Variants in C16orf46 observed in about 807,000 individuals in gnomAD.
C16orf46 encodes uncharacterized protein C16orf46.
A neutral mutation model predicts 5.5 loss-of-function variants in C16orf46; 7 were observed. The ratio of observed to expected loss-of-function variants is 1.28; its 90% CI spans 0.73 to 2.40. C16orf46 has a LOEUF of 2.40. C16orf46 is among the 30% of genes most tolerant of loss of function. The pLI is 0.00. For synonymous variants in C16orf46, 200 were observed against 184.1 expected (o/e 1.09, Z -0.70); for missense variants, 614 against 476.0 (o/e 1.29, Z -2.70).
At chr16:81,059,339 A>C (rs1239964030), downstream of C16orf46, among the ~76,000 whole-genome samples, 3 of 151,598 alleles carry the variant, frequency 2.0e-5, no homozygotes, top group East Asian at 5.8e-4. Flanking sequence ...AAAAAAAAAA[A>C]AAACCCTAGG....
chr16:81,065,206 C>G (rs886223362), intron 2 of C16orf46, among the ~76,000 whole-genome samples: 3 of 152,154 alleles, frequency 2.0e-5, no homozygotes, highest in Non-Finnish European at 4.4e-5. Context: ...CATGCGATGG[C>G]TCACGCCTGT....
intron 3 of C16orf46, among the ~76,000 whole-genome samples, chr16:81,054,886 GATTC>G (rs1971251633): frequency 6.6e-6 from 1 of 152,012 alleles, no homozygotes; most frequent in Admixed American, 6.6e-5. Flanking sequence ...GACCTCAAGT[GATTC>G]ACCCACCTCG....
At chr16:81,068,274 C>A (rs992286570) in intron 1 of C16orf46, among the ~76,000 whole-genome samples, 8 of 152,198 alleles carry the variant, frequency 5.3e-5, no homozygotes, top group Non-Finnish European at 1.2e-4. Flanking sequence ...TCACAGTCAA[C>A]AGTAGAGGCA....
intron 1 of C16orf46, among the ~76,000 whole-genome samples, chr16:81,074,461 T>G (rs768720358): frequency 6.6e-6 from 1 of 152,182 alleles, no homozygotes; most frequent in Non-Finnish European, 1.5e-5. Context: ...CTCAGCTCCC[T>G]GCAACCTCTG....
At position 81,062,079 on chromosome 16, in the gene C16orf46, T is replaced by G. The variant is rs1255016667; in HGVS notation, c.270A>C (p.Lys90Asn). 8 of 1,610,208 alleles carry G rather than the reference T, an allele frequency of 5.0e-6. No homozygotes were observed. The highest frequency in any genetic ancestry group is 2.7e-5 in the African/African-American group (2 of 74,896). The change falls in exon 4 of 4, where the codon AAA becomes AAC. Residue 90 changes from lysine (K) to asparagine (N), a missense_variant. By Grantham distance (94) the Lys-to-Asn change is moderately conservative. Coordinates refer to ENST00000299578, the MANE Select transcript of C16orf46 (RefSeq NM_152337.3). ...AACIWPRKIP[K>N]KARVGEGACS... ...AGGCACCTTCCCCTACCCTCGCCTT[T>G]TTTGGTATCTTCCTCGGCCAGATGC...
At chr16:81,064,402 T>C (rs1464341413) in intron 2 of C16orf46, among the ~76,000 whole-genome samples, 3 of 149,624 alleles carry the variant, frequency 2.0e-5, no homozygotes, top group Non-Finnish European at 3.0e-5. Flanking sequence ...CATTCAGGAA[T>C]AGACTGAGAA....
intron 1 of C16orf46, among the ~76,000 whole-genome samples, chr16:81,066,540 C>G (rs908351394): frequency 6.6e-6 from 1 of 152,184 alleles, no homozygotes; most frequent in African/African-American, 2.4e-5. Flanking sequence ...ATTACCCATT[C>G]TTGTCTTCCA....
downstream of C16orf46, chr16:81,060,528 T>G (rs1174745215): frequency 6.6e-6 from 1 of 152,628 alleles, no homozygotes; most frequent in Non-Finnish European, 1.5e-5. Context: ...CAGGCTGGTC[T>G]CGAACTCCCA....
chr16:81,059,804 T>C (rs1324449887), downstream of C16orf46, among the ~76,000 whole-genome samples: 2 of 151,984 alleles, frequency 1.3e-5, no homozygotes, highest in Non-Finnish European at 2.9e-5. Flanking sequence ...TTTTTTTTTT[T>C]TTGAGACGGG....
chr16:81,053,865 C>G (rs986731018), exon 4 of C16orf46: 1 of 529,220 alleles, frequency 1.9e-6, no homozygotes, highest in Non-Finnish European at 3.4e-6. Context: ...TTGGGGAGAC[C>G]TAAAAGAGCG....
Position 81,060,983 on chromosome 16 carries a change from G to A in C16orf46, c.*178C>T. 7.2e-7 allele frequency: 1 copy of A among 1,383,864 alleles called. No homozygotes were observed. The highest frequency in any genetic ancestry group is 2.6e-5 in the East Asian group (1 of 39,188). The allele number at this position is 1,383,864 out of a possible 1,614,324, so 85.7% of individuals were successfully genotyped here. A position where few individuals can be genotyped will look rare whatever the true frequency, so the allele number is the denominator to read the frequency against. On this transcript the variant is annotated 3_prime_UTR_variant, in exon 4 of 4. Transcript: ENST00000299578. Reference sequence around the variant, plus strand: ...AAAATAAATCCCAACAATCCACTGAGGTTCAGTTTTCTTCAGTTGTACTAC... The same window carrying A: ...AAAATAAATCCCAACAATCCACTGAAGTTCAGTTTTCTTCAGTTGTACTAC...
At position 81,061,866 on chromosome 16, in the gene C16orf46, T is replaced by TGG; in HGVS notation, c.482_483insCC (p.Lys161AsnfsTer44). The TGG allele has an allele frequency of 6.2e-7, 1 of 1,614,184 alleles. No homozygotes were observed. Among genetic ancestry groups the TGG allele is most frequent in the Non-Finnish European group, 8.5e-7 (1 of 1,180,030 alleles). ...AAATAAACTCCTTGATTTGCAGACT[T>TGG]TTTTTCTCTGCTCGAAAGTAGGTGG... is the stretch of plus-strand genomic sequence containing the variant. On this transcript the variant is annotated frameshift_variant, in exon 4 of 4. Coordinates refer to ENST00000299578, the MANE Select transcript of C16orf46 (RefSeq NM_152337.3). LOFTEE classifies it low-confidence loss of function (END_TRUNC).
rs776679658 is a variant in C16orf46, at chr16:81,061,417, C to T, written c.932G>A (p.Cys311Tyr). The T allele has an allele frequency of 1.2e-6, 2 of 1,614,166 alleles. No homozygotes were observed. Among genetic ancestry groups the T allele is most frequent in the South Asian group, 1.1e-5 (1 of 91,088 alleles). The part of the protein sequence containing the change: ...WSLLSEKNLA[C>Y]PPDPSNVRYL... The stretch of plus-strand genomic sequence containing the variant: ...GCGAACGTTGCTGGGGTCTGGAGGG[C>T]ACGCCAGGTTTTTCTCAGACAGGAG... The change falls in exon 4 of 4, where the codon TGC becomes TAC. Residue 311 changes from cysteine (C) to tyrosine (Y), a missense_variant. Cys to Tyr is a radical substitution (Grantham distance 194). Transcript: ENST00000299578.
intron 1 of C16orf46, among the ~76,000 whole-genome samples, chr16:81,070,991 T>C (rs76058987): frequency 2.6e-5 from 4 of 152,332 alleles, no homozygotes; most frequent in East Asian, 3.9e-4. Flanking sequence ...ATAATTTTCA[T>C]GTCTTGAACC....
Position 81,061,076 on chromosome 16 carries a change from G to C in C16orf46, c.*85C>G. ...GGGAGGAGAGAAAGAGAGAGTGGGG[G>C]GTGGGTGGGAAATGAGAGAGAAGAA... On this transcript the variant is annotated 3_prime_UTR_variant, in exon 4 of 4. Transcript: ENST00000299578. The C allele has an allele frequency of 1.4e-6, 2 of 1,466,974 alleles. No individual in the cohort carries two copies. Among genetic ancestry groups the C allele is most frequent in the Admixed American group, 4.7e-5 (2 of 42,664 alleles). 90.9% of individuals were successfully genotyped at this position (1,466,974 alleles called of 1,614,324 possible).
At chr16:81,060,876 G>T, downstream of C16orf46, 1 of 762,204 alleles carries the variant, frequency 1.3e-6, no homozygotes. Context: ...AGCAGGCAGA[G>T]GCTGGGGCTG....
At chr16:81,068,434 A>G (rs1971724117) in intron 1 of C16orf46, among the ~76,000 whole-genome samples, 1 of 152,240 alleles carries the variant, frequency 6.6e-6, no homozygotes, top group Non-Finnish European at 1.5e-5. Context: ...AGAAAAACCT[A>G]TGTGGAAAGA....
intron 1 of C16orf46, among the ~76,000 whole-genome samples, chr16:81,067,299 G>T (rs1436833171): frequency 1.3e-5 from 2 of 152,168 alleles, no homozygotes; most frequent in Non-Finnish European, 2.9e-5. Flanking sequence ...ATAATGTGAG[G>T]TTGAGGTTAG....
At position 81,061,782 on chromosome 16, in the gene C16orf46, G is replaced by A. The variant is rs777140628; in HGVS notation, c.567C>T (p.Pro189=). Residue 189 remains proline, a synonymous_variant, in exon 4 of 4, where the codon CCC becomes CCT. Coordinates refer to ENST00000299578, the MANE Select transcript of C16orf46 (RefSeq NM_152337.3). ...ACAGCCCTCTGTGGGCCCCTCCACT[G>A]GGATTCCCAGAGGCCTTGCCCCTAT... The part of the protein sequence containing the change: ...GTNRGKASGN[P]SGGAHRGLSI... 6.2e-6 allele frequency: 10 copies of A among 1,613,802 alleles called. No homozygotes were observed. The highest frequency in any genetic ancestry group is 8.5e-6 in the Non-Finnish European group (10 of 1,179,930).
Sources: allele counts gnomAD v4.1 joint callset (sites outside exome capture counted in the v4.1 genomes callset), GRCh38; gene constraint gnomAD v4.1.1; transcripts MANE v1.5; gene names NCBI Gene and HGNC (gene_info 2026-07-23, HGNC 2026-07-21).